The following ST6GALNAC1 variants were observed in gnomAD, a reference collection of about 807,000 sequenced individuals.
ST6GALNAC1 encodes the protein alpha-N-acetylgalactosaminide alpha-2,6-sialyltransferase 1.
A neutral mutation model predicts 56.8 loss-of-function variants in ST6GALNAC1; 45 were observed. The observed-to-expected ratio is 0.79, with a 90% CI of 0.62 to 1.02. The LOEUF is 1.02. ST6GALNAC1 is among the 50% of genes least tolerant of loss of function. The pLI is 0.00. For missense variants in ST6GALNAC1, 743 were observed against 754.8 expected, an observed-to-expected ratio of 0.98 and a Z score of 0.18; for synonymous variants, 295 against 297.8, an observed-to-expected ratio of 0.99 and a Z score of 0.10.
At position 76,627,920 on chromosome 17, in the gene ST6GALNAC1, AC is replaced by A. The variant is rs1190080801; in HGVS notation, c.832-338del. On this transcript the variant is annotated intron_variant, in intron 2 of 8. Coordinates refer to ENST00000156626, the MANE Select transcript of ST6GALNAC1 (RefSeq NM_018414.5). This position sits in a 1 kb window ranked among gnomAD's most constrained non-coding sequence, Gnocchi z 4.4. ...AGACCATCCTGGCTAACACGGTGAA[AC>A]CCCGTCTCTACTAAAAATACAAAAA... 1.2e-4 allele frequency among the ~76,000 whole-genome samples: 18 copies of A among 151,590 alleles called. No homozygotes were observed. The highest frequency in any genetic ancestry group is 2.1e-4 in the South Asian group (1 of 4,810).
chr17:76,642,238 A>G (rs1463737363), intron 1 of ST6GALNAC1, among the ~76,000 whole-genome samples: 1 of 151,346 alleles, frequency 6.6e-6, no homozygotes, highest in Non-Finnish European at 1.5e-5. Flanking sequence ...CTATCTATCT[A>G]TCTATCATCT....
Position 76,627,965 on chromosome 17 carries a change from C to G in ST6GALNAC1, c.832-382G>C. Among the ~76,000 whole-genome samples the G allele has an allele frequency of 6.6e-6, 1 of 151,920 alleles. No individual in the cohort carries two copies. The highest frequency in any genetic ancestry group is 1.9e-4 in the East Asian group (1 of 5,154). ...ACAAAAAATTAGCCGGGCGTGGTGG[C>G]GGGCGCCTGTAGTTCCAGCTACTCG... On this transcript the variant is annotated intron_variant, in intron 2 of 8. Transcript: ENST00000156626. This position sits in a 1 kb window ranked among gnomAD's most constrained non-coding sequence, Gnocchi z 4.4.
chr17:76,635,270 TCCCCC>T (rs2075960762), intron 1 of ST6GALNAC1, among the ~76,000 whole-genome samples: 1 of 152,072 alleles, frequency 6.6e-6, no homozygotes, highest in African/African-American at 2.4e-5. Flanking sequence ...CTTCCAGAGC[TCCCCC>T]TGAACAGACA....
At chr17:76,637,715 T>G (rs1371424953) in intron 1 of ST6GALNAC1, 1 of 398,944 alleles carries the variant, frequency 2.5e-6, no homozygotes, top group African/African-American at 2.1e-5. Flanking sequence ...GCATCAGATG[T>G]CCTGGAGCCC....
chr17:76,643,686 T>C lies in ST6GALNAC1; in HGVS notation c.-48A>G. On this transcript the variant is annotated 5_prime_UTR_variant, in exon 1 of 9. Coordinates refer to ENST00000156626, the MANE Select transcript of ST6GALNAC1 (RefSeq NM_018414.5). ...GAAGGTTCTGCATGTCCTGGGGCCT[T>C]GATGTAGGCAGCTGGGAGTCTCACC... 2.5e-6 allele frequency: 4 copies of C among 1,598,108 alleles called. No individual in the cohort carries two copies. Among genetic ancestry groups the C allele is most frequent in the Non-Finnish European group, 2.6e-6 (3 of 1,170,128 alleles).
rs932226098 is a variant in ST6GALNAC1 at position 76,627,800 on chromosome 17, G to C, written c.832-217C>G. Among the ~76,000 whole-genome samples the C allele has an allele frequency of 1.6e-4, 25 of 152,122 alleles. No individual in the cohort carries two copies. The highest frequency in any genetic ancestry group is 1.6e-3 in the Admixed American group (25 of 15,268). On this transcript the variant is annotated intron_variant, in intron 2 of 8. Coordinates refer to ENST00000156626, the MANE Select transcript of ST6GALNAC1 (RefSeq NM_018414.5). This position sits in a 1 kb window ranked among gnomAD's most constrained non-coding sequence, Gnocchi z 4.4. ...TGGGAAATGGGTGTTCTCGGCCATC[G>C]AGGCAAATGCACCTAGGCCGGGTGT...
At chr17:76,622,457 C>G (rs548281928), downstream of ST6GALNAC1, among the ~76,000 whole-genome samples, 1 of 151,540 alleles carries the variant, frequency 6.6e-6, no homozygotes, top group Non-Finnish European at 1.5e-5. Context: ...CTCGGCTTCC[C>G]GGGTTCAAGT....
rs1250564337 is a variant in ST6GALNAC1 at position 76,643,543 on chromosome 17, G to A, written c.96C>T (p.Pro32=). 1.9e-6 allele frequency: 3 copies of A among 1,614,080 alleles called. No individual in the cohort carries two copies. The Admixed American group carries it at 5.0e-5, about 27-fold the overall frequency. ...AVLVFFLFAL[P]SFIKEPQTKP... is the part of the protein sequence containing the mutation. ...TTGTTTGAGGCTCCTTAATAAAAGA[G>A]GGCAAGGCGAAGAGAAAGAAGACCA... Residue 32 remains proline, a synonymous_variant, in exon 1 of 9, where the codon CCC becomes CCT. Coordinates refer to ENST00000156626, the MANE Select transcript of ST6GALNAC1 (RefSeq NM_018414.5).
rs1475193649 is a variant in ST6GALNAC1 at position 76,626,086 on chromosome 17, G to A, written c.1425C>T (p.Pro475=). The A allele has an allele frequency of 2.5e-6, 4 of 1,614,016 alleles. No homozygotes were observed. The highest frequency in any genetic ancestry group is 3.4e-6 in the Non-Finnish European group (4 of 1,180,028). The change falls in exon 7 of 9, where the codon CCC becomes CCT. Residue 475 remains proline (P), a synonymous_variant. Coordinates refer to ENST00000156626, the MANE Select transcript of ST6GALNAC1 (RefSeq NM_018414.5). ...SKNLFWFRHR[P]QEAFREALHM... is the part of the protein sequence containing the mutation. ...GCAGGGCTTCCCGAAAAGCTTCCTGGGGTCTGTGCCTGTGGTTAGGAAGGG... is the reference window on the plus strand; with the variant it reads ...GCAGGGCTTCCCGAAAAGCTTCCTGAGGTCTGTGCCTGTGGTTAGGAAGGG...
chr17:76,626,248 C>T (rs368424492), intron 6 of ST6GALNAC1, 41 bp downstream of exon 6: 2 of 1,604,916 alleles, frequency 1.2e-6, no homozygotes, highest in East Asian at 2.2e-5. Context: ...CATGACATGG[C>T]TCAGCCTGGG....
downstream of ST6GALNAC1, among the ~76,000 whole-genome samples, chr17:76,623,438 C>A (rs2075760391): frequency 6.6e-6 from 1 of 152,176 alleles, no homozygotes; most frequent in Admixed American, 6.5e-5. Flanking sequence ...TATTAATTAA[C>A]TTGAGGAGAA....
At chr17:76,621,985 A>T, downstream of ST6GALNAC1, among the ~76,000 whole-genome samples, 1 of 140,622 alleles carries the variant, frequency 7.1e-6, no homozygotes, top group Non-Finnish European at 1.5e-5. Flanking sequence ...TTTAATAGAG[A>T]CCAGGGTCTT....
downstream of ST6GALNAC1, among the ~76,000 whole-genome samples, chr17:76,623,597 C>T (rs1160045395): frequency 6.6e-6 from 1 of 152,196 alleles, no homozygotes; most frequent in Non-Finnish European, 1.5e-5. Flanking sequence ...TACATTACAT[C>T]CTCTACTTGA....
chr17:76,631,970 C>T (rs2075908520), intron 1 of ST6GALNAC1, among the ~76,000 whole-genome samples: 2 of 152,124 alleles, frequency 1.3e-5, no homozygotes, highest in Admixed American at 1.3e-4. Context: ...CAATTCATTC[C>T]ACATTTGCCT....
chr17:76,621,186 C>CTTTTTTTTTT (rs775271169), downstream of ST6GALNAC1, among the ~76,000 whole-genome samples: 1 of 110,082 alleles, frequency 9.1e-6, no homozygotes, highest in Non-Finnish European at 1.7e-5. Flanking sequence ...TTCTTTCTTT[C>CTTTTTTTTTT]TTTTTTTTTT....
the ST6GALNAC1 span, among the ~76,000 whole-genome samples, chr17:76,617,802 C>G: frequency 6.6e-6 from 1 of 151,852 alleles, no homozygotes; most frequent in South Asian, 2.1e-4. Context: ...AAAAAATTTG[C>G]TGGATGAATA....
At chr17:76,619,313 G>T in the ST6GALNAC1 span, among the ~76,000 whole-genome samples, 1 of 152,146 alleles carries the variant, frequency 6.6e-6, no homozygotes, top group African/African-American at 2.4e-5. Context: ...GAGTTTCGTT[G>T]CTTCTAGACT....
intron 5 of ST6GALNAC1, 58 bp from the exon 6 acceptor site, chr17:76,626,450 G>C: frequency 1.3e-6 from 2 of 1,577,586 alleles, no homozygotes; most frequent in Non-Finnish European, 1.7e-6. Context: ...CACCACCGAG[G>C]GTGGCCCAGC....
intron 2 of ST6GALNAC1, 66 bp downstream of exon 2, chr17:76,628,946 G>A (rs1297825466): frequency 1.5e-5 from 22 of 1,430,454 alleles, no homozygotes; most frequent in Non-Finnish European, 1.9e-5. Context: ...AGGGTGGGCT[G>A]GGCTTCCTCT....
Sources: gnomAD v4.1 joint callset for allele counts (sites outside exome capture counted in the v4.1 genomes callset) on GRCh38, gnomAD v4.1.1 for gene constraint, Gnocchi (gnomAD v3.1) non-coding constraint, MANE v1.5 for transcripts, NCBI Gene and HGNC (gene_info 2026-07-23, HGNC 2026-07-21) for gene names.